The following TBCK variants were observed in gnomAD, a reference collection of about 807,000 sequenced individuals.
TBCK encodes the protein TBC1 domain containing kinase, also known as TBC domain-containing protein kinase-like protein.
TBCK carries 99 observed loss-of-function variants against 113.4 expected under a neutral mutation model. The ratio of observed to expected loss-of-function variants is 0.87; its 90% confidence interval spans 0.74 to 1.03. The LOEUF (loss-of-function observed/expected upper bound fraction) is 1.03. Among genes scored for constraint, TBCK ranks in the 50% least tolerant of loss-of-function variants. The pLI is 0.00. For synonymous variants in TBCK, 369 were observed against 370.8 expected (o/e 1.00, Z 0.05); for missense variants, 1,045 against 1,061.3 (o/e 0.98, Z 0.21).
intron 3 of TBCK, among the ~76,000 whole-genome samples, chr4:106,278,651 T>C (rs1764264157): frequency 6.6e-6 from 1 of 151,488 alleles, no homozygotes; most frequent in Admixed American, 6.6e-5. Flanking sequence ...TCAAAGTCTT[T>C]AAAGAAACTT....
At chr4:106,215,457 T>C (rs1756767697) in intron 19 of TBCK, among the ~76,000 whole-genome samples, 1 of 152,142 alleles carries the variant, frequency 6.6e-6, no homozygotes, top group Non-Finnish European at 1.5e-5. Context: ...CAGTGTGCTG[T>C]ATTCAGGATA....
At chr4:106,101,235 C>T (rs1406689451) in intron 24 of TBCK, among the ~76,000 whole-genome samples, 3 of 152,166 alleles carry the variant, frequency 2.0e-5, no homozygotes, top group Non-Finnish European at 2.9e-5. Context: ...ATGGTTCTCA[C>T]AGCAAATCGG....
chr4:106,289,827 A>C (rs751423190), intron 3 of TBCK, among the ~76,000 whole-genome samples: 2 of 152,142 alleles, frequency 1.3e-5, no homozygotes, highest in African/African-American at 2.4e-5. Context: ...ATGCATATTA[A>C]ATAAAACATT....
intron 20 of TBCK, among the ~76,000 whole-genome samples, chr4:106,203,480 A>G (rs1196128422): frequency 1.3e-5 from 2 of 151,658 alleles, no homozygotes; most frequent in African/African-American, 4.8e-5. Flanking sequence ...TAAATGGTTA[A>G]TTTTTTTCCT....
intron 22 of TBCK, among the ~76,000 whole-genome samples, chr4:106,178,287 T>G (rs1384080827): frequency 1.3e-5 from 2 of 151,996 alleles, no homozygotes; most frequent in East Asian, 3.9e-4. Flanking sequence ...TTGAGTTCTT[T>G]CTTTCCAATT....
At chr4:106,316,561 T>C (rs896683156), upstream of TBCK, 40 of 1,551,520 alleles carry the variant, frequency 2.6e-5, no homozygotes, top group Non-Finnish European at 2.7e-5. Context: ...CTTCCTGCTG[T>C]GGCTGTCTCG....
chr4:106,142,853 C>T (rs1040108052), intron 23 of TBCK, among the ~76,000 whole-genome samples: 2 of 152,134 alleles, frequency 1.3e-5, no homozygotes, highest in Non-Finnish European at 1.5e-5. Flanking sequence ...CAAATCAATA[C>T]TGAGTTAAGT....
chr4:106,309,768 C>T (rs1179862498), intron 1 of TBCK, among the ~76,000 whole-genome samples: 1 of 152,090 alleles, frequency 6.6e-6, no homozygotes, highest in East Asian at 1.9e-4. Flanking sequence ...TAAAAGAAGG[C>T]TCTATAATAT....
At chr4:106,214,415 C>T (rs1326875874) in intron 19 of TBCK, among the ~76,000 whole-genome samples, 11 of 151,972 alleles carry the variant, frequency 7.2e-5, no homozygotes, top group Non-Finnish European at 5.9e-5. Flanking sequence ...TCAAATTACT[C>T]TGAGCTACGG....
chr4:106,263,153 C>T (rs1762653886), intron 3 of TBCK, among the ~76,000 whole-genome samples: 1 of 151,844 alleles, frequency 6.6e-6, no homozygotes, highest in African/African-American at 2.4e-5. Context: ...CCCATACCTA[C>T]AATATTAACA....
chr4:106,156,050 G>C (rs1749084834), intron 23 of TBCK, among the ~76,000 whole-genome samples: 2 of 152,076 alleles, frequency 1.3e-5, no homozygotes, highest in Admixed American at 1.3e-4. Context: ...CAGGTACTCA[G>C]AAGACTTGAG....
intron 12 of TBCK, among the ~76,000 whole-genome samples, chr4:106,240,821 C>A (rs1425220194): frequency 6.6e-6 from 1 of 151,862 alleles, no homozygotes; most frequent in African/African-American, 2.4e-5. Flanking sequence ...TGATGAATAG[C>A]TAGAAAGATA....
rs75971609 is a variant in TBCK at position 106,264,832 on chromosome 4, A to G, written c.267-2620T>C. Among the ~76,000 whole-genome samples, 1,476 of 152,090 alleles carry G rather than the reference A, an allele frequency of 9.7e-3. 21 individuals are homozygous for G. The highest frequency in any genetic ancestry group is 0.034 in the African/African-American group (1,409 of 41,542). Reference sequence around the variant, plus strand: ...TGAGAAATTGTTTCATACAGAGAGCATGAGTAGAATATTTTCATGCACGGC... The same window carrying G: ...TGAGAAATTGTTTCATACAGAGAGCGTGAGTAGAATATTTTCATGCACGGC... On this transcript the variant is annotated intron_variant, in intron 3 of 25. Coordinates refer to ENST00000394708, the MANE Select transcript of TBCK (RefSeq NM_001163435.3).
chr4:106,069,339 A>G (rs1737078759), intron 25 of TBCK, among the ~76,000 whole-genome samples: 1 of 152,116 alleles, frequency 6.6e-6, no homozygotes, highest in African/African-American at 2.4e-5. Context: ...TAAGGAAGGG[A>G]TCCAGTTTAA....
At chr4:106,194,641 A>T in intron 21 of TBCK, 77 bp downstream of exon 21, 1 of 1,113,950 alleles carries the variant, frequency 9.0e-7, no homozygotes, top group Non-Finnish European at 1.3e-6. Context: ...TGTTATTGTA[A>T]ATATAAAATA....
At chr4:106,291,297 G>A (rs1765682579) in intron 3 of TBCK, among the ~76,000 whole-genome samples, 1 of 152,162 alleles carries the variant, frequency 6.6e-6, no homozygotes, top group Admixed American at 6.5e-5. Flanking sequence ...GTCACAATGA[G>A]TAAAAACCAA....
At chr4:106,066,317 T>C (rs1208323136) in intron 25 of TBCK, among the ~76,000 whole-genome samples, 1 of 151,926 alleles carries the variant, frequency 6.6e-6, no homozygotes, top group African/African-American at 2.4e-5. Context: ...GATTTTCACT[T>C]AGAAGAAAAG....
intron 1 of TBCK, among the ~76,000 whole-genome samples, chr4:106,312,737 G>A (rs1768335502): frequency 6.6e-6 from 1 of 152,110 alleles, no homozygotes. Context: ...TTTGTACCAT[G>A]AAATTCTATT....
rs1187516147 is a variant in TBCK at position 106,250,424 on chromosome 4, T to G, written c.652A>C (p.Thr218Pro). 6.4e-7 allele frequency: 1 copy of G among 1,564,964 alleles called. No individual in the cohort carries two copies. The highest frequency in any genetic ancestry group is 8.7e-7 in the Non-Finnish European group (1 of 1,145,296). Residue 218 changes from threonine (T) to proline (P), a missense_variant, in exon 7 of 26, where the codon ACT becomes CCT. Thr to Pro is a conservative substitution (Grantham distance 38). Transcript: ENST00000394708. ...GCAATTGTACGACACTTACCCAAAG[T>G]AAGCAAAAATTTTAGTCTTTCAGAA... ...DISERLKFLL[T>P]LDCVDDTLIV...
Sources: gnomAD v4.1 joint callset for allele counts (sites outside exome capture counted in the v4.1 genomes callset) on GRCh38, gnomAD v4.1.1 for gene constraint, MANE v1.5 for transcripts, NCBI Gene and HGNC (gene_info 2026-07-23, HGNC 2026-07-21) for gene names.